PDXK: variants seen among roughly 807,000 people sequenced by gnomAD.
The protein encoded by PDXK is epididymis secretory sperm binding protein Li 1a.
PDXK carries 15 observed loss-of-function variants against 43.2 expected under a neutral mutation model. The observed-to-expected ratio is 0.35, with a 90% confidence interval of 0.23 to 0.53. The LOEUF (loss-of-function observed/expected upper bound fraction) is 0.53, where lower values mean the gene tolerates loss of function less well. Among genes scored for constraint, PDXK ranks in the 20% least tolerant of loss-of-function variants. The probability of loss-of-function intolerance (pLI) is 0.92; values close to 1 mark genes in which losing one functional copy is unlikely to be tolerated. For missense variants in PDXK, 343 were observed against 417.0 expected (o/e 0.82, Z 1.54); for synonymous variants, 172 against 165.4 (o/e 1.04, Z -0.31).
Position 43,746,002 on chromosome 21 carries a change from A to G in PDXK, c.332-77A>G, listed in dbSNP as rs896239181. The G allele has an allele frequency of 3.4e-6, 4 of 1,178,218 alleles. No homozygotes were observed. In the African/African-American group the frequency reaches 4.5e-5, roughly 13 times the overall value. The allele number at this position is 1,178,218 out of a possible 1,614,324, so 73.0% of individuals were successfully genotyped here. A position where few individuals can be genotyped will look rare whatever the true frequency, so the allele number is the denominator to read the frequency against. On this transcript the variant is annotated intron_variant, in intron 4 of 10. Transcript: ENST00000291565. The stretch of plus-strand genomic sequence containing the variant: ...ACAGAGCAAGACCCTGTCTTAAAAA[A>G]AGAAGAAAGAAATGTGGAGGGTTTC...
At chr21:43,728,653 A>T (rs2083278713) in intron 1 of PDXK, 1 of 917,824 alleles carries the variant, frequency 1.1e-6, no homozygotes, top group South Asian at 5.1e-5. Context: ...TAAGGCGCGC[A>T]CGTGGGCCCT....
chr21:43,732,464 GC>G lies in PDXK; in HGVS notation c.88-1602del. ...TGGGGTGTGTGAAACGGAGATGCCA[GC>G]CCAGGGGCTCAGCTTGCTCGTGCTC... On this transcript the variant is annotated intron_variant, in intron 1 of 10. Coordinates refer to ENST00000291565, the MANE Select transcript of PDXK (RefSeq NM_003681.5). This position sits in a 1 kb window ranked among gnomAD's most constrained non-coding sequence, Gnocchi z 4.1. 1 of 1,606,836 alleles carries G rather than the reference GC, an allele frequency of 6.2e-7. No homozygotes were observed. Among genetic ancestry groups the G allele is most frequent in the Non-Finnish European group, 8.5e-7 (1 of 1,174,348 alleles).
In PDXK at chr21:43,732,481, G is replaced by C. The variant is rs1380209581; in HGVS notation, c.88-1588G>C. On this transcript the variant is annotated intron_variant, in intron 1 of 10. Transcript: ENST00000291565. This position sits in a 1 kb window ranked among gnomAD's most constrained non-coding sequence, Gnocchi z 4.1. ...AGATGCCAGCCCAGGGGCTCAGCTT[G>C]CTCGTGCTCTCATTTAAAAGCAGAA... is the stretch of plus-strand genomic sequence containing the variant. 6.3e-7 allele frequency: 1 copy of C among 1,578,678 alleles called. No homozygotes were observed. The highest frequency in any genetic ancestry group is 1.7e-5 in the Admixed American group (1 of 59,994).
intron 2 of PDXK, chr21:43,738,608 C>T (rs112089509): frequency 0.069 from 10,558 of 152,452 alleles, 499 homozygotes; most frequent in Middle Eastern, 0.12. Context: ...CTGTAAACAC[C>T]GTGTTCAAGG....
chr21:43,752,423 G>C, intron 7 of PDXK, 95 bp from the exon 8 acceptor site: 1 of 814,726 alleles, frequency 1.2e-6, no homozygotes, highest in Middle Eastern at 2.6e-4. Context: ...GATGCTCCCC[G>C]TGCCACTGCC....
At chr21:43,748,876 TGAGCCTGG>T in intron 5 of PDXK, 111 bp from the exon 6 acceptor site, 3 of 674,136 alleles carry the variant, frequency 4.5e-6, no homozygotes, top group Non-Finnish European at 5.3e-6. Context: ...GCCTGGCCCC[TGAGCCTGG>T]ACTTCAGGGG....
chr21:43,749,963 G>A (rs564443924), intron 6 of PDXK, among the ~76,000 whole-genome samples: 27 of 152,210 alleles, frequency 1.8e-4, no homozygotes, highest in African/African-American at 2.6e-4. Context: ...AGCTGCCCGC[G>A]GAGGGGGCTG....
intron 7 of PDXK, among the ~76,000 whole-genome samples, chr21:43,750,801 T>C (rs2083727518): frequency 6.6e-6 from 1 of 150,902 alleles, no homozygotes; most frequent in Non-Finnish European, 1.5e-5. Flanking sequence ...TGTGGATGTG[T>C]GCGTGTGTGC....
Position 43,734,161 on chromosome 21 carries a change from T to C in PDXK, c.142+38T>C, listed in dbSNP as rs764418700. The C allele has an allele frequency of 1.9e-6, 3 of 1,565,606 alleles. No homozygotes were observed. Among genetic ancestry groups the C allele is most frequent in the Non-Finnish European group, 2.6e-6 (3 of 1,154,276 alleles). On this transcript the variant is annotated intron_variant, in intron 2 of 10. Coordinates refer to ENST00000291565, the MANE Select transcript of PDXK (RefSeq NM_003681.5). This position sits in a 1 kb window ranked among gnomAD's most constrained non-coding sequence, Gnocchi z 5.0. ...CTCCAGCAGCTGGCATAGAGCAGAC[T>C]GTGGGTGTGAGGGACGGGGCGGAGT...
At chr21:43,755,571 G>A (rs1013655857) in intron 9 of PDXK, 127 bp from the exon 10 acceptor site, 12 of 813,984 alleles carry the variant, frequency 1.5e-5, no homozygotes, top group Non-Finnish European at 2.1e-5. Context: ...CATTGGCGGA[G>A]CCGGCTCCCC....
intron 6 of PDXK, 42 bp downstream of exon 6, chr21:43,749,122 C>T (rs999650502): frequency 1.5e-6 from 2 of 1,291,322 alleles, no homozygotes; most frequent in Admixed American, 1.8e-5. Context: ...ATTTATTTTT[C>T]AAGATGGGTC....
intron 1 of PDXK, among the ~76,000 whole-genome samples, chr21:43,728,259 G>A (rs930392548): frequency 1.3e-5 from 2 of 152,198 alleles, no homozygotes; most frequent in African/African-American, 2.4e-5. Context: ...AGTGGCAGGC[G>A]GTGGGAGGGA....
intron 1 of PDXK, among the ~76,000 whole-genome samples, chr21:43,728,406 G>A (rs2083275367): frequency 6.6e-6 from 1 of 152,174 alleles, no homozygotes; most frequent in African/African-American, 2.4e-5. Flanking sequence ...TGCTGGGTGG[G>A]TGGCTTCGGC....
At chr21:43,725,049 T>C (rs1232521902) in intron 1 of PDXK, among the ~76,000 whole-genome samples, 2 of 151,752 alleles carry the variant, frequency 1.3e-5, no homozygotes, top group Non-Finnish European at 2.9e-5. Flanking sequence ...GTTGGCTGGG[T>C]GCAGTGGCTC....
At chr21:43,739,172 A>G (rs2083452715) in intron 2 of PDXK, among the ~76,000 whole-genome samples, 1 of 151,832 alleles carries the variant, frequency 6.6e-6, no homozygotes, top group Non-Finnish European at 1.5e-5. Context: ...CTGACCTCAC[A>G]CACCACGCCC....
At chr21:43,744,221 G>A (rs2083597454) in intron 4 of PDXK, among the ~76,000 whole-genome samples, 1 of 152,040 alleles carries the variant, frequency 6.6e-6, no homozygotes, top group African/African-American at 2.4e-5. Context: ...GCCAGGCTAG[G>A]GAGTGGGGGG....
intron 3 of PDXK, among the ~76,000 whole-genome samples, chr21:43,742,298 AC>A (rs1396774720): frequency 6.6e-6 from 1 of 152,138 alleles, no homozygotes; most frequent in Non-Finnish European, 1.5e-5. Context: ...TCCTGCCTCA[AC>A]ATCCCAAGTA....
chr21:43,750,608 A>G, intron 7 of PDXK, 63 bp downstream of exon 7: 4 of 1,322,894 alleles, frequency 3.0e-6, no homozygotes, highest in East Asian at 4.7e-5. Context: ...GACGGGAGAC[A>G]GGCTGCCTGA....
chr21:43,751,948 C>A (rs1165091479), intron 7 of PDXK, among the ~76,000 whole-genome samples: 1 of 152,194 alleles, frequency 6.6e-6, no homozygotes, highest in Non-Finnish European at 1.5e-5. Flanking sequence ...AACCCAGGAG[C>A]CTGGTCCTGA....
Sources: gnomAD v4.1 joint callset for allele counts (sites outside exome capture counted in the v4.1 genomes callset) on GRCh38, gnomAD v4.1.1 for gene constraint, Gnocchi (gnomAD v3.1) non-coding constraint, MANE v1.5 for transcripts, NCBI Gene and HGNC (gene_info 2026-07-23, HGNC 2026-07-21) for gene names.